Variants in KDM6B observed in about 807,000 individuals in gnomAD.
KDM6B encodes the protein lysine demethylase 6B.
Under a neutral mutation model 150.4 loss-of-function variants are expected in KDM6B, and 22 were observed. That is an observed-to-expected ratio of 0.15 (90% CI 0.10 to 0.21). KDM6B has a LOEUF of 0.21. KDM6B is among the 10% of genes least tolerant of loss of function. The pLI is 1.00. For synonymous variants in KDM6B, 1,148 were observed against 921.1 expected (o/e 1.25, Z -4.46); for missense variants, 1,984 against 2,234.3 (o/e 0.89, Z 2.26).
chr17:7,842,404 C>G lies in KDM6B; in HGVS notation c.-269+2380C>G, dbSNP rs374382652. Among the ~76,000 whole-genome samples, 77 of 152,312 alleles carry G rather than the reference C, an allele frequency of 5.1e-4. 3 individuals are homozygous for G. The South Asian group carries it at 0.015, about 30-fold the overall frequency. On this transcript the variant is annotated intron_variant, in intron 2 of 23. Coordinates refer to ENST00000448097, the MANE Select transcript of KDM6B (RefSeq NM_001348716.2). ...GGTCGGGAGAGGCTGGAATGTCTGC[C>G]TCAGAAGTATATCGATCTCCCAGCC...
intron 1 of KDM6B, among the ~76,000 whole-genome samples, chr17:7,834,630 A>G (rs951882009): frequency 2.1e-5 from 3 of 144,356 alleles, no homozygotes; most frequent in Non-Finnish European, 3.1e-5. Context: ...TCCCGACTCC[A>G]GGGCGGGGCG....
In KDM6B at chr17:7,848,579, C is replaced by A; in HGVS notation, c.2291C>A (p.Thr764Asn). 1.9e-6 allele frequency: 3 copies of A among 1,605,988 alleles called. No individual in the cohort carries two copies. The South Asian group carries it at 3.3e-5, about 18-fold the overall frequency. ...ACCACCACCACCACCACCACGGCCA[C>A]CCAGGAAGAGGAGAAGAAGCCACCA... ...TTTTTTTTTA[T>N]QEEEKKPPPA... Residue 764 changes from threonine to asparagine, a missense_variant, in exon 12 of 24, where the codon ACC becomes AAC. Coordinates refer to ENST00000448097, the MANE Select transcript of KDM6B (RefSeq NM_001348716.2).
At position 7,846,747 on chromosome 17, in the gene KDM6B, G is replaced by T. The variant is rs376757637; in HGVS notation, c.711+7G>T. On this transcript the variant is annotated splice_region_variant and intron_variant, in intron 9 of 23. Transcript: ENST00000448097. ...AGGCTGCAACTCTGAACAGGTGTGG[G>T]TATAGGGGGGCCAGCAGGCAGTAAG... 6.2e-7 allele frequency: 1 copy of T among 1,614,000 alleles called. No homozygotes were observed. Among genetic ancestry groups the T allele is most frequent in the Non-Finnish European group, 8.5e-7 (1 of 1,179,952 alleles).
At position 7,847,742 on chromosome 17, in the gene KDM6B, G is replaced by T; in HGVS notation, c.1454G>T (p.Trp485Leu). ...TTACGCCCCCCACCACCCCCTGCCTGGTTGAAGGGTCCGGCCTGCCGGGCA... is the reference window on the plus strand; with the variant it reads ...TTACGCCCCCCACCACCCCCTGCCTTGTTGAAGGGTCCGGCCTGCCGGGCA... ...RLLRPPPPPA[W>L]LKGPACRAAR... Residue 485 changes from tryptophan to leucine, a missense_variant, in exon 12 of 24, where the codon TGG (tryptophan) becomes TTG (leucine). Transcript: ENST00000448097. The T allele has an allele frequency of 7.5e-7, 1 of 1,331,104 alleles. No homozygotes were observed. Among genetic ancestry groups the T allele is most frequent in the African/African-American group, 2.4e-5 (1 of 42,508 alleles). 82.5% of individuals were successfully genotyped at this position (1,331,104 alleles called of 1,614,324 possible).
rs767245338 is a variant in KDM6B, at chr17:7,847,584, C to T, written c.1296C>T (p.Val432=). 1 of 1,612,970 alleles carries T rather than the reference C, an allele frequency of 6.2e-7. No individual in the cohort carries two copies. Among genetic ancestry groups the T allele is most frequent in the African/African-American group, 1.3e-5 (1 of 74,928 alleles). The part of the protein sequence containing the change: ...ADHYQTPALE[V]SHHGRLGPSA... ...ATTACCAAACTCCCGCGCTGGAGGT[C>T]TCTCACCATGGCCGCCTGGGGCCCT... The change falls in exon 12 of 24, where the codon GTC becomes GTT. Residue 432 remains valine, a synonymous_variant. Transcript: ENST00000448097.
chr17:7,850,928 G>C, intron 14 of KDM6B, 93 bp from the exon 15 acceptor site: 1 of 1,153,114 alleles, frequency 8.7e-7, no homozygotes, highest in South Asian at 1.3e-5. Flanking sequence ...CACCCTGTCA[G>C]AGCCAGAGGA....
Position 7,854,521 on chromosome 17 carries a change from C to CA in KDM6B, c.*1001dup, listed in dbSNP as rs1367049980. The stretch of plus-strand genomic sequence containing the variant: ...TTTAAAAAACACAGACCTTCACCCC[C>CA]ACCCCCTTTTCTTTTTAAGTGTGAA... On this transcript the variant is annotated 3_prime_UTR_variant, in exon 24 of 24. Coordinates refer to ENST00000448097, the MANE Select transcript of KDM6B (RefSeq NM_001348716.2). The CA allele has an allele frequency of 6.6e-6, 1 of 152,614 alleles. No homozygotes were observed. The highest frequency in any genetic ancestry group is 2.4e-5 in the African/African-American group (1 of 41,448). 9.5% of individuals were successfully genotyped at this position (152,614 alleles called of 1,614,324 possible).
At position 7,849,070 on chromosome 17, in the gene KDM6B, G is replaced by A; in HGVS notation, c.2782G>A (p.Val928Met). The A allele has an allele frequency of 1.9e-6, 3 of 1,612,364 alleles. No homozygotes were observed. Among genetic ancestry groups the A allele is most frequent in the Non-Finnish European group, 1.7e-6 (2 of 1,179,870 alleles). Residue 928 changes from valine to methionine, a missense_variant, in exon 12 of 24, where the codon GTG (valine) becomes ATG (methionine). Transcript: ENST00000448097. The part of the protein sequence containing the change: ...SRACETLVER[V>M]GRSATDPADP... ...GGCTTGCGAGACCCTTGTGGAGCGG[G>A]TGGGCCGGAGTGCCACTGACCCAGC...
Position 7,845,632 on chromosome 17 carries a change from G to A in KDM6B, c.78G>A (p.Gly26=). 6.2e-7 allele frequency: 1 copy of A among 1,614,130 alleles called. No homozygotes were observed. The highest frequency in any genetic ancestry group is 8.5e-7 in the Non-Finnish European group (1 of 1,180,028). ...CCCTTGGGGGCCTGAGCTGTGCTGG[G>A]GCCTGGAGCTCCTGCCCGCCTCATC... ...AFALGGLSCA[G]AWSSCPPHPP... Residue 26 remains glycine, a synonymous_variant, in exon 5 of 24, where the codon GGG becomes GGA. Transcript: ENST00000448097.
Position 7,847,111 on chromosome 17 carries a change from C to T in KDM6B, c.916C>T (p.Arg306Trp), listed in dbSNP as rs767579418. 1.6e-5 allele frequency: 25 copies of T among 1,611,730 alleles called. No individual in the cohort carries two copies. The highest frequency in any genetic ancestry group is 6.7e-5 in the Admixed American group (4 of 60,002). ...GSAPPERQEQ[R>W]HSLPHPYPYP... The stretch of plus-strand genomic sequence containing the variant: ...CCCTGTTTATCTCCTATAGGAGCAG[C>T]GGCACTCGCTGCCTCACCCATATCC... Residue 306 changes from arginine (R) to tryptophan (W), a missense_variant, in exon 11 of 24, where the codon CGG becomes TGG. Physicochemically the swap from Arg to Trp is moderately radical, Grantham distance 101. Around this residue, in one of 13 missense-constraint regions of KDM6B, gnomAD observed 1,379 missense variants for 1,275.6 expected, o/e 1.08. Transcript: ENST00000448097.
chr17:7,845,712 G>T (rs2078518694), intron 5 of KDM6B, 21 bp downstream of exon 5: 1 of 1,614,086 alleles, frequency 6.2e-7, no homozygotes, highest in Non-Finnish European at 8.5e-7. Context: ...GGGGCCCTCT[G>T]TCTCCAGGCA....
Position 7,849,336 on chromosome 17 carries a change from G to A in KDM6B, c.3048G>A (p.Arg1016=). 6.3e-7 allele frequency: 1 copy of A among 1,581,702 alleles called. No individual in the cohort carries two copies. The highest frequency in any genetic ancestry group is 8.6e-7 in the Non-Finnish European group (1 of 1,164,446). ...AGGTCCCCAAAGAAAAGAGCCGCCG[G>A]GTGCTGGGGAACCTGGACCTGCAGA... ...KAKVPKEKSR[R]VLGNLDLQSE... Residue 1016 remains arginine, a synonymous_variant, in exon 12 of 24, where the codon CGG becomes CGA. Transcript: ENST00000448097.
At position 7,848,884 on chromosome 17, in the gene KDM6B, T is replaced by C; in HGVS notation, c.2596T>C (p.Ser866Pro). The C allele has an allele frequency of 6.2e-7, 1 of 1,607,942 alleles. No homozygotes were observed. The highest frequency in any genetic ancestry group is 1.1e-5 in the South Asian group (1 of 90,828). Residue 866 changes from serine (S) to proline (P), a missense_variant, in exon 12 of 24, where the codon TCC becomes CCC. Transcript: ENST00000448097. ...CCAGGGCTCCCCACAGCCCTCTGCT[T>C]CCTCGTCATCTCAGTTCTCTACCTC... ...SAQGSPQPSASSSSQFSTSGG... is the reference protein window; with the variant it reads ...SAQGSPQPSAPSSSQFSTSGG...
intron 21 of KDM6B, among the ~76,000 whole-genome samples, 164 bp from the exon 22 acceptor site, chr17:7,852,836 C>G (rs1319171261): frequency 6.6e-6 from 1 of 152,196 alleles, no homozygotes; most frequent in Non-Finnish European, 1.5e-5. Context: ...CCACAGGAAA[C>G]TTCGCCTATA....
In KDM6B at chr17:7,847,403, G is replaced by A. The variant is rs370112079; in HGVS notation, c.1208G>A (p.Ser403Asn). ...LPGTTTSSSS[S>N]SSSNTGLRGV... ...GGCACCACCACCAGCAGCAGCAGTA[G>A]CAGCAGCAGCAACACTGGTCTCCGG... Residue 403 changes from serine (S) to asparagine (N), a missense_variant, in exon 11 of 24, where the codon AGC becomes AAC. Around this residue, in one of 13 missense-constraint regions of KDM6B, gnomAD observed 1,379 missense variants for 1,275.6 expected, o/e 1.08. Transcript: ENST00000448097. 9 of 1,613,256 alleles carry A rather than the reference G, an allele frequency of 5.6e-6. No individual in the cohort carries two copies. Among genetic ancestry groups the A allele is most frequent in the South Asian group, 4.4e-5 (4 of 91,078 alleles).
chr17:7,843,384 C>T lies in KDM6B; in HGVS notation c.-268-1517C>T, dbSNP rs2078457411. Reference sequence around the variant, plus strand: ...GCCTCTAGTGAGGAGAGAGTTCTGACAGTAATACCACGTGAACCGCGGAGA... The same window carrying T: ...GCCTCTAGTGAGGAGAGAGTTCTGATAGTAATACCACGTGAACCGCGGAGA... On this transcript the variant is annotated intron_variant, in intron 2 of 23. Coordinates refer to ENST00000448097, the MANE Select transcript of KDM6B (RefSeq NM_001348716.2). This position sits in a 1 kb window ranked among gnomAD's most constrained non-coding sequence, Gnocchi z 4.5. Among the ~76,000 whole-genome samples, 1 of 152,206 alleles carries T rather than the reference C, an allele frequency of 6.6e-6. No individual in the cohort carries two copies. Among genetic ancestry groups the T allele is most frequent in the Non-Finnish European group, 1.5e-5 (1 of 68,036 alleles).
At chr17:7,842,591 G>T (rs911355375) in intron 2 of KDM6B, among the ~76,000 whole-genome samples, 2 of 152,180 alleles carry the variant, frequency 1.3e-5, no homozygotes, top group Admixed American at 6.5e-5. Flanking sequence ...AGAGTGGAGC[G>T]CGAGCTGGCG....
At position 7,849,321 on chromosome 17, in the gene KDM6B, A is replaced by G; in HGVS notation, c.3033A>G (p.Lys1011=). The G allele has an allele frequency of 6.4e-7, 1 of 1,567,290 alleles. No homozygotes were observed. The highest frequency in any genetic ancestry group is 8.6e-7 in the Non-Finnish European group (1 of 1,156,226). Residue 1011 remains lysine (K), a synonymous_variant, in exon 12 of 24, where the codon AAA becomes AAG. Transcript: ENST00000448097. ...GRAKAKAKVP[K]EKSRRVLGNL... Reference sequence around the variant, plus strand: ...CAAAGGCCAAGGCCAAGGTCCCCAAAGAAAAGAGCCGCCGGGTGCTGGGGA... The same window carrying G: ...CAAAGGCCAAGGCCAAGGTCCCCAAGGAAAAGAGCCGCCGGGTGCTGGGGA...
At chr17:7,852,714 A>G in intron 21 of KDM6B, 78 bp downstream of exon 21, 3 of 1,266,416 alleles carry the variant, frequency 2.4e-6, no homozygotes, top group Non-Finnish European at 3.2e-6. Flanking sequence ...ACTCCACCCC[A>G]TTTTTACCTC....
Sources: gnomAD v4.1 joint callset for allele counts (sites outside exome capture counted in the v4.1 genomes callset) on GRCh38, gnomAD v4.1.1 for gene constraint, gnomAD v4.1.1 regional missense constraint, Gnocchi (gnomAD v3.1) non-coding constraint, MANE v1.5 for transcripts, NCBI Gene and HGNC (gene_info 2026-07-23, HGNC 2026-07-21) for gene names.